NBAS: variants seen among roughly 807,000 people sequenced by gnomAD.
NBAS encodes NAG/BC035112 fusion.
NBAS carries 219 observed loss-of-function variants against 302.5 expected under a neutral mutation model. The ratio of observed to expected loss-of-function variants is 0.72; its 90% CI spans 0.65 to 0.81. NBAS has a LOEUF of 0.81. Ranked by LOEUF, NBAS falls within the 30% of genes least tolerant of loss-of-function variation. The pLI, the probability that NBAS is intolerant of heterozygous loss-of-function variation, is 0.00. For missense variants in NBAS, 2,932 were observed against 2,841.6 expected, an observed-to-expected ratio of 1.03 and a Z score of -0.72; for synonymous variants, 1,118 against 1,021.6, an observed-to-expected ratio of 1.09 and a Z score of -1.80.
At chr2:14,813,277 G>T in the NBAS span, among the ~76,000 whole-genome samples, 1 of 152,100 alleles carries the variant, frequency 6.6e-6, no homozygotes, top group Non-Finnish European at 1.5e-5. Flanking sequence ...GAATTTGGAG[G>T]GCTCAGAAGA....
At chr2:15,167,533 C>A (rs1664088994) in intron 51 of NBAS, among the ~76,000 whole-genome samples, 1 of 152,130 alleles carries the variant, frequency 6.6e-6, no homozygotes, top group Non-Finnish European at 1.5e-5. Context: ...CACAAGAACC[C>A]CACTGCAATC....
intron 44 of NBAS, among the ~76,000 whole-genome samples, chr2:15,261,215 G>A (rs373513328): frequency 2.6e-5 from 4 of 152,200 alleles, no homozygotes; most frequent in African/African-American, 9.6e-5. Flanking sequence ...TGCTGTGTGT[G>A]CTTTTATGGT....
chr2:15,073,689 C>T, the NBAS span, among the ~76,000 whole-genome samples: 1 of 152,030 alleles, frequency 6.6e-6, no homozygotes, highest in Non-Finnish European at 1.5e-5. Flanking sequence ...TATACATACA[C>T]GTGCACATAT....
At chr2:15,437,340 G>A (rs1453957197) in intron 21 of NBAS, among the ~76,000 whole-genome samples, 1 of 152,128 alleles carries the variant, frequency 6.6e-6, no homozygotes, top group Non-Finnish European at 1.5e-5. Context: ...AGAGAGAGAG[G>A]TGGAAAGTCC....
At chr2:14,910,118 T>C in the NBAS span, among the ~76,000 whole-genome samples, 3 of 152,312 alleles carry the variant, frequency 2.0e-5, no homozygotes, top group African/African-American at 7.2e-5. Context: ...GGGTTTCACC[T>C]GAGGTTCATA....
At chr2:15,354,859 T>C (rs1673536176) in intron 33 of NBAS, among the ~76,000 whole-genome samples, 1 of 152,186 alleles carries the variant, frequency 6.6e-6, no homozygotes, top group South Asian at 2.1e-4. Flanking sequence ...AAATTACTTA[T>C]CCCTCAGCGG....
At chr2:14,887,703 G>T in the NBAS span, among the ~76,000 whole-genome samples, 3 of 152,116 alleles carry the variant, frequency 2.0e-5, no homozygotes, top group African/African-American at 7.2e-5. Context: ...GCCCCTGCTA[G>T]TCCCTGTCTA....
chr2:15,397,733 T>C, intron 26 of NBAS: 1 of 343,248 alleles, frequency 2.9e-6, no homozygotes, highest in Non-Finnish European at 5.4e-6. Flanking sequence ...AGGCTGCATG[T>C]GGCTGTGGCC....
chr2:14,795,759 T>G, the NBAS span, among the ~76,000 whole-genome samples: 1 of 152,002 alleles, frequency 6.6e-6, no homozygotes. Context: ...AGGTATTTAC[T>G]AGCATGCCTG....
chr2:15,360,511 AATTTTT>A (rs1045160754), intron 32 of NBAS, among the ~76,000 whole-genome samples: 23 of 151,996 alleles, frequency 1.5e-4, no homozygotes, highest in Non-Finnish European at 1.3e-4. Context: ...ACACCCAGGA[AATTTTT>A]ATTTTTATTT....
intron 21 of NBAS, among the ~76,000 whole-genome samples, chr2:15,449,417 G>A (rs1678899830): frequency 1.3e-5 from 2 of 152,006 alleles, no homozygotes. Flanking sequence ...TGAGATGTTT[G>A]TTGAATAAAA....
the NBAS span, among the ~76,000 whole-genome samples, chr2:14,833,261 T>C: frequency 4.6e-5 from 7 of 152,298 alleles, no homozygotes; most frequent in African/African-American, 1.4e-4. Context: ...AGCAGTCATA[T>C]GCAGCCAAGT....
At chr2:14,883,957 G>T in the NBAS span, among the ~76,000 whole-genome samples, 1 of 148,518 alleles carries the variant, frequency 6.7e-6, no homozygotes, top group African/African-American at 2.5e-5. Flanking sequence ...CAGTGACATA[G>T]TAAGACCTTC....
intron 48 of NBAS, among the ~76,000 whole-genome samples, chr2:15,211,220 GAT>G (rs1255754267): frequency 1.3e-5 from 2 of 151,914 alleles, no homozygotes; most frequent in Non-Finnish European, 2.9e-5. Flanking sequence ...CCTGTATCAA[GAT>G]ATCTCATGTA....
At chr2:15,415,096 T>C (rs984139780) in intron 25 of NBAS, among the ~76,000 whole-genome samples, 2 of 152,232 alleles carry the variant, frequency 1.3e-5, no homozygotes, top group Non-Finnish European at 2.9e-5. Flanking sequence ...GGAATTAGAA[T>C]ACTATGTTTT....
chr2:14,957,519 G>T, the NBAS span, among the ~76,000 whole-genome samples: 1 of 152,140 alleles, frequency 6.6e-6, no homozygotes, highest in Admixed American at 6.5e-5. Flanking sequence ...ACACTAGGTT[G>T]TTTCTTGGGC....
chr2:15,351,718 G>T (rs1195376642), intron 35 of NBAS, among the ~76,000 whole-genome samples: 1 of 152,068 alleles, frequency 6.6e-6, no homozygotes, highest in Non-Finnish European at 1.5e-5. Context: ...GGGGGATTTG[G>T]AAGGTGGTTA....
chr2:15,244,757 GA>G (rs1008255265), intron 44 of NBAS, among the ~76,000 whole-genome samples: 36 of 152,272 alleles, frequency 2.4e-4, no homozygotes, highest in Admixed American at 1.5e-3. Flanking sequence ...TCCTCTAGTG[GA>G]GAAGCAGAGT....
chr2:15,255,610 C>CATTGGAT (rs1404826401), intron 44 of NBAS, among the ~76,000 whole-genome samples: 1 of 151,348 alleles, frequency 6.6e-6, no homozygotes, highest in African/African-American at 2.4e-5. Flanking sequence ...GCTTTGGGTT[C>CATTGGAT]TTGGTCTTAG....
Sources: gnomAD v4.1 joint callset for allele counts (sites outside exome capture counted in the v4.1 genomes callset) on GRCh38, gnomAD v4.1.1 for gene constraint, MANE v1.5 for transcripts, NCBI Gene and HGNC (gene_info 2026-07-23, HGNC 2026-07-21) for gene names.